The following PPP4R4 variants were observed in gnomAD, a reference collection of about 807,000 sequenced individuals.
PPP4R4 encodes the protein serine/threonine-protein phosphatase 4 regulatory subunit 4.
In PPP4R4, 70 loss-of-function variants were observed where a neutral mutation model predicts 121.8. The ratio of observed to expected loss-of-function variants is 0.57; its 90% confidence interval spans 0.47 to 0.70. The LOEUF is 0.70. PPP4R4 is among the 30% of genes least tolerant of loss of function. PPP4R4 has a pLI of 0.00. For missense variants in PPP4R4, 875 were observed against 1,033.6 expected (o/e 0.85, Z 2.10); for synonymous variants, 348 against 355.7 (o/e 0.98, Z 0.24).
Position 94,209,834 on chromosome 14 carries a change from A to T in PPP4R4, c.294+1268A>T, listed in dbSNP as rs115117633. On this transcript the variant is annotated intron_variant, in intron 3 of 24. Coordinates refer to ENST00000304338, the MANE Select transcript of PPP4R4 (RefSeq NM_058237.2). ...TAGCTAAGAATACTGCATGCTGCAC[A>T]CTTTGCATTGAGCAGGTAAAATCTG... Among the ~76,000 whole-genome samples, 234 of 152,250 alleles carry T rather than the reference A, an allele frequency of 1.5e-3. 2 individuals are homozygous for T. Among genetic ancestry groups the T allele is most frequent in the African/African-American group, 5.5e-3 (228 of 41,578 alleles).
chr14:94,195,073 A>G (rs951751270), intron 2 of PPP4R4, among the ~76,000 whole-genome samples: 1 of 152,226 alleles, frequency 6.6e-6, no homozygotes, highest in African/African-American at 2.4e-5. Context: ...TATGCAGTCT[A>G]CTGTCAGATG....
Position 94,259,309 on chromosome 14 carries a change from T to A in PPP4R4, c.2067T>A (p.Phe689Leu). ...EMSMDAFQKK[F>L]YEKDLLDQEK... The stretch of plus-strand genomic sequence containing the variant: ...ACTTTAAACAGTTTCAGAAAAAGTT[T>A]TATGAGAAAGATTTGTTGGATCAAG... The change falls in exon 19 of 25, where the codon TTT becomes TTA. Residue 689 changes from phenylalanine (F) to leucine (L), a missense_variant. By Grantham distance (22) the Phe-to-Leu change is conservative. Transcript: ENST00000304338. The A allele has an allele frequency of 6.2e-7, 1 of 1,606,918 alleles. No individual in the cohort carries two copies. Among genetic ancestry groups the A allele is most frequent in the Non-Finnish European group, 8.5e-7 (1 of 1,177,878 alleles).
intron 21 of PPP4R4, among the ~76,000 whole-genome samples, 158 bp downstream of exon 21, chr14:94,265,631 T>C (rs1894007457): frequency 6.6e-6 from 1 of 152,124 alleles, no homozygotes; most frequent in Non-Finnish European, 1.5e-5. Context: ...TAGTTTTTAA[T>C]TGGTAGTAAG....
At chr14:94,256,683 C>T in intron 17 of PPP4R4, 79 bp downstream of exon 17, 3 of 1,318,388 alleles carry the variant, frequency 2.3e-6, no homozygotes, top group Non-Finnish European at 3.1e-6. Flanking sequence ...TTCAGCTTGA[C>T]AGGATAGCAA....
intron 3 of PPP4R4, among the ~76,000 whole-genome samples, chr14:94,219,621 A>G (rs1891273697): frequency 6.6e-6 from 1 of 152,200 alleles, no homozygotes; most frequent in Admixed American, 6.5e-5. Context: ...CCAACAATAT[A>G]TCAGAAGGAT....
chr14:94,278,747 T>G lies in PPP4R4; in HGVS notation c.*104T>G, dbSNP rs574186479. On this transcript the variant is annotated 3_prime_UTR_variant, in exon 25 of 25. Transcript: ENST00000304338. The stretch of plus-strand genomic sequence containing the variant: ...TGGGGCTTTGTTTTTAAATTTTGGG[T>G]TTTTTTTTTTGTTGTTGTTAATGAG... 4.9e-5 allele frequency: 33 copies of G among 671,682 alleles called. No individual in the cohort carries two copies. Among genetic ancestry groups the G allele is most frequent in the South Asian group, 2.0e-4 (5 of 25,402 alleles). The allele number at this position is 671,682 out of a possible 1,614,324, so 41.6% of individuals were successfully genotyped here.
intron 23 of PPP4R4, among the ~76,000 whole-genome samples, chr14:94,269,116 G>A (rs1894188758): frequency 6.6e-6 from 1 of 152,124 alleles, no homozygotes; most frequent in Non-Finnish European, 1.5e-5. Flanking sequence ...GAAAATGGAA[G>A]CAGAACATCT....
In PPP4R4 at chr14:94,264,956, T is replaced by C; in HGVS notation, c.2197+9T>C. ...AATGTTTGAAAAGAAACGTAAGTAG[T>C]TTTTCTATGTCTTCAACACTTAATT... On this transcript the variant is annotated intron_variant, in intron 20 of 24. Coordinates refer to ENST00000304338, the MANE Select transcript of PPP4R4 (RefSeq NM_058237.2). 6.4e-7 allele frequency: 1 copy of C among 1,561,974 alleles called. No homozygotes were observed. Among genetic ancestry groups the C allele is most frequent in the Non-Finnish European group, 8.7e-7 (1 of 1,145,574 alleles).
At chr14:94,217,149 T>TA (rs1020652906) in intron 3 of PPP4R4, among the ~76,000 whole-genome samples, 20 of 152,200 alleles carry the variant, frequency 1.3e-4, no homozygotes, top group African/African-American at 4.6e-4. Context: ...TAGTGTGTAG[T>TA]AACAAGCAAC....
chr14:94,193,584 G>T (rs138642808), intron 2 of PPP4R4, among the ~76,000 whole-genome samples: 1,819 of 152,244 alleles, frequency 0.012, 17 homozygotes, highest in Middle Eastern at 0.037. Context: ...TTATTGGCGA[G>T]AATCTAATTG....
At chr14:94,265,996 T>C (rs1176323224) in intron 22 of PPP4R4, 109 bp downstream of exon 22, 11 of 751,736 alleles carry the variant, frequency 1.5e-5, no homozygotes, top group East Asian at 6.2e-5. Context: ...TGAGGTTTTT[T>C]TATAGGCCAG....
In PPP4R4 at chr14:94,255,570, C is replaced by G. The variant is rs138431888; in HGVS notation, c.1866-890C>G. Among the ~76,000 whole-genome samples the G allele has an allele frequency of 3.0e-3, 450 of 151,488 alleles. 5 individuals are homozygous for G. The highest frequency in any genetic ancestry group is 0.01 in the African/African-American group (421 of 41,220). On this transcript the variant is annotated intron_variant, in intron 16 of 24. Transcript: ENST00000304338. ...GAGCCGAGATCACACCACTGCATTC[C>G]AGCCTGGGCGACAGAGCAAGACTCT... is the stretch of plus-strand genomic sequence containing the variant.
At chr14:94,223,936 C>A (rs556304170) in intron 3 of PPP4R4, among the ~76,000 whole-genome samples, 7 of 152,056 alleles carry the variant, frequency 4.6e-5, no homozygotes, top group Non-Finnish European at 1.0e-4. Context: ...TCTAACAATA[C>A]GTTAGAAGTA....
At position 94,231,751 on chromosome 14, in the gene PPP4R4, G is replaced by A. The variant is rs576873200; in HGVS notation, c.516+436G>A. Among the ~76,000 whole-genome samples, 5 of 152,208 alleles carry A rather than the reference G, an allele frequency of 3.3e-5. No individual in the cohort carries two copies. The South Asian group carries it at 1.0e-3, about 32-fold the overall frequency. The stretch of plus-strand genomic sequence containing the variant: ...TAGGACATTAATGAGCATTTCTGTA[G>A]AGCTCTTCCTGTTTTTCAGATAATT... On this transcript the variant is annotated intron_variant, in intron 5 of 24. Coordinates refer to ENST00000304338, the MANE Select transcript of PPP4R4 (RefSeq NM_058237.2).
At chr14:94,186,365 C>T (rs1408974815) in intron 2 of PPP4R4, among the ~76,000 whole-genome samples, 1 of 152,138 alleles carries the variant, frequency 6.6e-6, no homozygotes, top group Non-Finnish European at 1.5e-5. Flanking sequence ...ATACAGTCTA[C>T]TCTTTTGTCT....
intron 2 of PPP4R4, among the ~76,000 whole-genome samples, chr14:94,181,717 A>G (rs1283846683): frequency 6.6e-6 from 1 of 152,182 alleles, no homozygotes; most frequent in Non-Finnish European, 1.5e-5. Context: ...CTTGTGTTTT[A>G]AAAGTTTTGT....
chr14:94,215,867 C>T (rs1300839345), intron 3 of PPP4R4, among the ~76,000 whole-genome samples: 1 of 152,042 alleles, frequency 6.6e-6, no homozygotes, highest in African/African-American at 2.4e-5. Context: ...ATTGACATTA[C>T]TAATTACTTC....
chr14:94,234,852 T>A (rs1012858887), intron 7 of PPP4R4, among the ~76,000 whole-genome samples, 183 bp downstream of exon 7: 1 of 152,224 alleles, frequency 6.6e-6, no homozygotes, highest in African/African-American at 2.4e-5. Flanking sequence ...TTTTCTCACC[T>A]TAGTTGCTTA....
rs1894776964 is a variant in PPP4R4 at position 94,278,731 on chromosome 14, G to A, written c.*88G>A. On this transcript the variant is annotated 3_prime_UTR_variant, in exon 25 of 25. Coordinates refer to ENST00000304338, the MANE Select transcript of PPP4R4 (RefSeq NM_058237.2). ...AAGCTAAAGCAGTGGCTGGGGCTTT[G>A]TTTTTAAATTTTGGGTTTTTTTTTT... is the stretch of plus-strand genomic sequence containing the variant. 1.6e-6 allele frequency: 2 copies of A among 1,249,232 alleles called. No homozygotes were observed. Among genetic ancestry groups the A allele is most frequent in the Non-Finnish European group, 2.1e-6 (2 of 947,850 alleles). The allele number at this position is 1,249,232 out of a possible 1,614,324, so 77.4% of individuals were successfully genotyped here.
Sources: gnomAD v4.1 joint callset for allele counts (sites outside exome capture counted in the v4.1 genomes callset) on GRCh38, gnomAD v4.1.1 for gene constraint, MANE v1.5 for transcripts, NCBI Gene and HGNC (gene_info 2026-07-23, HGNC 2026-07-21) for gene names.